ZCCHC17: variants seen among roughly 807,000 people sequenced by gnomAD.
The protein encoded by ZCCHC17 is zinc finger CCHC domain-containing protein 17.
Under a neutral mutation model 30.6 loss-of-function variants are expected in ZCCHC17, and 18 were observed. That is an observed-to-expected ratio of 0.59 (90% CI 0.41 to 0.87). The LOEUF (loss-of-function observed/expected upper bound fraction) is 0.87, where lower values mean the gene tolerates loss of function less well. Among genes scored for constraint, ZCCHC17 ranks in the 40% least tolerant of loss-of-function variants. ZCCHC17 has a pLI of 0.00. For synonymous variants in ZCCHC17, 88 were observed against 92.4 expected (o/e 0.95, Z 0.27); for missense variants, 263 against 284.2 (o/e 0.93, Z 0.54).
intron 3 of ZCCHC17, among the ~76,000 whole-genome samples, chr1:31,323,980 G>T (rs199843008): frequency 3.0e-5 from 1 of 33,384 alleles, no homozygotes; most frequent in Admixed American, 3.2e-4. Context: ...AAGAATGACT[G>T]TATTTCTAAG....
intron 7 of ZCCHC17, among the ~76,000 whole-genome samples, chr1:31,352,221 C>T (rs1639492899): frequency 6.6e-6 from 1 of 152,114 alleles, no homozygotes; most frequent in African/African-American, 2.4e-5. Context: ...GTGTACTGTT[C>T]ATTGGCATTA....
At chr1:31,350,427 A>G (rs755155107) in intron 7 of ZCCHC17, among the ~76,000 whole-genome samples, 1 of 152,042 alleles carries the variant, frequency 6.6e-6, no homozygotes, top group Non-Finnish European at 1.5e-5. Context: ...CCCAATCTAT[A>G]TATTCTCTTT....
chr1:31,300,328 A>G (rs1369161738), intron 1 of ZCCHC17, among the ~76,000 whole-genome samples: 1 of 152,076 alleles, frequency 6.6e-6, no homozygotes, highest in South Asian at 2.1e-4. Flanking sequence ...CCAAAGTGCT[A>G]CGATTATAGG....
intron 5 of ZCCHC17, among the ~76,000 whole-genome samples, chr1:31,344,887 G>A (rs1363390945): frequency 7.0e-5 from 5 of 71,080 alleles, no homozygotes; most frequent in Admixed American, 4.3e-4. Flanking sequence ...TGGAGACAGG[G>A]TCTTGCTCTG....
rs943250668 is a variant in ZCCHC17 at position 31,363,916 on chromosome 1, G to A, written c.565-116G>A. ...GGCCTCAAGCATTCCTCCCACCTCG[G>A]CTTCCCAAAGTACTAGGATTACAGG... On this transcript the variant is annotated intron_variant, in intron 7 of 7. Transcript: ENST00000344147. 17 of 1,434,746 alleles carry A rather than the reference G, an allele frequency of 1.2e-5. No homozygotes were observed. In the East Asian group the frequency reaches 3.7e-4, roughly 31 times the overall value. The allele number at this position is 1,434,746 out of a possible 1,614,324, so 88.9% of individuals were successfully genotyped here.
At chr1:31,307,940 AGCTGCTGGT>A (rs1646507144) in intron 1 of ZCCHC17, among the ~76,000 whole-genome samples, 1 of 152,212 alleles carries the variant, frequency 6.6e-6, no homozygotes, top group Non-Finnish European at 1.5e-5. Flanking sequence ...TAGATGTTTC[AGCTGCTGGT>A]GCCCCTATGG....
At chr1:31,362,714 G>A (rs974317061) in intron 7 of ZCCHC17, among the ~76,000 whole-genome samples, 1 of 152,186 alleles carries the variant, frequency 6.6e-6, no homozygotes, top group Admixed American at 6.5e-5. Flanking sequence ...ATAGCAGTCA[G>A]GAGTTCTAAA....
intron 5 of ZCCHC17, among the ~76,000 whole-genome samples, chr1:31,343,318 C>T (rs1166778782): frequency 6.6e-6 from 1 of 152,182 alleles, no homozygotes; most frequent in Non-Finnish European, 1.5e-5. Context: ...CCTTGGCCTC[C>T]CAAAGTGCTG....
chr1:31,333,413 C>T (rs946305172), intron 3 of ZCCHC17, among the ~76,000 whole-genome samples: 1 of 152,052 alleles, frequency 6.6e-6, no homozygotes, highest in Non-Finnish European at 1.5e-5. Flanking sequence ...ATCGCAGCTA[C>T]TCGGGAGGCT....
intron 1 of ZCCHC17, among the ~76,000 whole-genome samples, chr1:31,303,523 A>G (rs1455770861): frequency 6.6e-6 from 1 of 152,272 alleles, no homozygotes; most frequent in East Asian, 1.9e-4. Flanking sequence ...AAGGTGACAC[A>G]TTAAATGAAG....
intron 2 of ZCCHC17, among the ~76,000 whole-genome samples, chr1:31,316,663 G>GA (rs1226368215): frequency 6.6e-6 from 1 of 152,150 alleles, no homozygotes; most frequent in Non-Finnish European, 1.5e-5. Context: ...TTCCTCATTT[G>GA]AAACATGGTA....
chr1:31,340,596 C>T (rs1639013708), intron 5 of ZCCHC17, among the ~76,000 whole-genome samples: 2 of 152,128 alleles, frequency 1.3e-5, no homozygotes, highest in Non-Finnish European at 2.9e-5. Context: ...GGATTACAGG[C>T]GCGAGCCACC....
intron 6 of ZCCHC17, among the ~76,000 whole-genome samples, chr1:31,348,193 G>A (rs1052744337): frequency 6.6e-6 from 1 of 152,236 alleles, no homozygotes; most frequent in African/African-American, 2.4e-5. Flanking sequence ...AGGGAGGCAT[G>A]AGACCCAGGA....
intron 1 of ZCCHC17, among the ~76,000 whole-genome samples, chr1:31,308,531 A>G (rs1646521776): frequency 6.6e-6 from 1 of 152,250 alleles, no homozygotes; most frequent in Admixed American, 6.5e-5. Flanking sequence ...GTGAAAACAC[A>G]AGAAAAATAA....
At chr1:31,349,242 G>T (rs1405054243) in intron 7 of ZCCHC17, among the ~76,000 whole-genome samples, 2 of 151,978 alleles carry the variant, frequency 1.3e-5, no homozygotes, top group African/African-American at 4.8e-5. Flanking sequence ...ATGAAAATGT[G>T]CTTTTTGCAG....
intron 5 of ZCCHC17, among the ~76,000 whole-genome samples, chr1:31,340,729 A>G (rs1041550017): frequency 2.0e-5 from 3 of 152,190 alleles, no homozygotes; most frequent in Admixed American, 6.5e-5. Flanking sequence ...AAAATATCAC[A>G]TTGTTTGTCT....
At chr1:31,320,409 C>T (rs4949385) in intron 3 of ZCCHC17, among the ~76,000 whole-genome samples, 82,622 of 152,006 alleles carry the variant, frequency 0.54, 23,359 homozygotes, top group Non-Finnish European at 0.62. Context: ...ACCATCACCA[C>T]GATCTACTTT....
chr1:31,354,458 C>T (rs1639573215), intron 7 of ZCCHC17, among the ~76,000 whole-genome samples: 1 of 151,928 alleles, frequency 6.6e-6, no homozygotes. Flanking sequence ...GGCTGGAGTA[C>T]AGTCACATGA....
chr1:31,329,312 ACTAT>A lies in ZCCHC17; in HGVS notation c.125-7858_125-7855del, dbSNP rs1383678640. Among the ~76,000 whole-genome samples, 7 of 152,286 alleles carry A rather than the reference ACTAT, an allele frequency of 4.6e-5. No individual in the cohort carries two copies. In the East Asian group the frequency reaches 9.6e-4, roughly 21 times the overall value. ...ACTTAAAACAGCTACATGACTAGTG[ACTAT>A]CTATTAGGCAGTGCAACCCTATACA... On this transcript the variant is annotated intron_variant, in intron 3 of 7. Transcript: ENST00000344147.
Sources: allele counts gnomAD v4.1 joint callset (sites outside exome capture counted in the v4.1 genomes callset), GRCh38; gene constraint gnomAD v4.1.1; transcripts MANE v1.5; gene names NCBI Gene and HGNC (gene_info 2026-07-23, HGNC 2026-07-21).